Variants in KDM5C observed in about 807,000 individuals in gnomAD.
KDM5C encodes lysine-specific demethylase 5C.
Under a neutral mutation model 110.6 loss-of-function variants are expected in KDM5C, and 16 were observed. The observed-to-expected ratio is 0.14, with a 90% CI of 0.10 to 0.22. The LOEUF (loss-of-function observed/expected upper bound fraction) is 0.22, where lower values mean the gene tolerates loss of function less well. KDM5C is among the 10% of genes least tolerant of loss of function. The pLI, the probability that KDM5C is intolerant of heterozygous loss-of-function variation, is 1.00. For synonymous variants in KDM5C, 511 were observed against 520.4 expected, an observed-to-expected ratio of 0.98 and a Z score of 0.24; for missense variants, 681 against 1,300.9, an observed-to-expected ratio of 0.52 and a Z score of 7.33.
At position 53,182,978 on chromosome X, in the gene KDM5C, T is replaced by A. The variant is rs781972257; in HGVS notation, c.4309-6356A>T. Among the ~76,000 whole-genome samples, 3 of 111,458 alleles carry A rather than the reference T, an allele frequency of 2.7e-5. No individual in the cohort carries two copies. The South Asian group carries it at 1.1e-3, about 42-fold the overall frequency. ...CAGTTTTATGGTTTTAGGACTTAAATTTAGGTCATTAATCCATTTTGAGTT... is the reference window on the plus strand; with the variant it reads ...CAGTTTTATGGTTTTAGGACTTAAAATTAGGTCATTAATCCATTTTGAGTT... On this transcript the variant is annotated intron_variant, in intron 25 of 25. Transcript: ENST00000685641.
rs1556839681 is a variant in KDM5C, at chrX:53,198,642, A to T, written c.2369-5T>A. ...GTGCCCTCAGTTCTTCAAGGCCTGG[A>T]AGAAAAATGAGGGCAGCAAAGAGTA... On this transcript the variant is annotated splice_region_variant and splice_polypyrimidine_tract_variant and intron_variant, in intron 16 of 25. Transcript: ENST00000375401. 1 of 1,210,387 alleles carries T rather than the reference A, an allele frequency of 8.3e-7. No individual in the cohort carries two copies. Among genetic ancestry groups the T allele is most frequent in the Non-Finnish European group, 1.1e-6 (1 of 895,314 alleles).
At position 53,194,935 on chromosome X, in the gene KDM5C, G is replaced by A; in HGVS notation, c.3434C>T (p.Ser1145Phe). ...ATCTGTGTCGAAGCTCCTTACCACAGAGCCTGGGTCCCTGAGGTCCTGCGC... is the reference window on the plus strand; with the variant it reads ...ATCTGTGTCGAAGCTCCTTACCACAAAGCCTGGGTCCCTGAGGTCCTGCGC... ...LSAQDLRDPG[S>F]VIVAFKEGEQ... Residue 1145 changes from serine (S) to phenylalanine (F), a missense_variant, in exon 22 of 26, where the codon TCT becomes TTT. Coordinates refer to ENST00000375401, the MANE Select transcript of KDM5C (RefSeq NM_004187.5). 1 of 1,211,083 alleles carries A rather than the reference G, an allele frequency of 8.3e-7. No homozygotes were observed.
chrX:53,195,200 A>G (rs1556835780), intron 21 of KDM5C, 31 bp downstream of exon 21: 2 of 1,187,665 alleles, frequency 1.7e-6, no homozygotes, highest in South Asian at 3.7e-5. Flanking sequence ...AGGCGTTAAG[A>G]GACGCTGTAG....
Position 53,197,043 on chromosome X carries a change from C to T in KDM5C, c.2624G>A (p.Gly875Asp), listed in dbSNP as rs2146840102. 1 of 1,178,861 alleles carries T rather than the reference C, an allele frequency of 8.5e-7. No homozygotes were observed. The highest frequency in any genetic ancestry group is 1.1e-6 in the Non-Finnish European group (1 of 873,881). The change falls in exon 19 of 26, where the codon GGT (glycine) becomes GAT (aspartate). Residue 875 changes from glycine to aspartate, a missense_variant and splice_region_variant. Transcript: ENST00000375401. ...GTAGGCCTCCACCTGTTCCAGAACA[C>T]CCTACCAGGACACAGGATGAAGAAC... ...CAMHQIGDVK[G>D]VLEQVEAYQA...
In KDM5C at chrX:53,196,000, G is replaced by A. The variant is rs782693299; in HGVS notation, c.3036C>T (p.Ile1012=). 1 of 1,211,785 alleles carries A rather than the reference G, an allele frequency of 8.3e-7. No individual in the cohort carries two copies. The highest frequency in any genetic ancestry group is 2.2e-5 in the Admixed American group (1 of 46,112). The part of the protein sequence containing the change: ...LEAIIREAEN[I]PVHLPNIQAL... ...CCTGGATGTTGGGCAGGTGAACAGG[G>A]ATGTTTTCCGCTTCACGGATTATGG... is the stretch of plus-strand genomic sequence containing the variant. The change falls in exon 20 of 26, where the codon ATC becomes ATT. Residue 1012 remains isoleucine (I), a synonymous_variant. Coordinates refer to ENST00000375401, the MANE Select transcript of KDM5C (RefSeq NM_004187.5).
intron 18 of KDM5C, among the ~76,000 whole-genome samples, chrX:53,197,415 C>CA (rs1556838219): frequency 9.0e-6 from 1 of 111,304 alleles, no homozygotes; most frequent in African/African-American, 3.3e-5. Flanking sequence ...CCCTTGTGCT[C>CA]ACCACCCTGG....
chrX:53,206,336 G>C (rs2073326662), intron 12 of KDM5C, among the ~76,000 whole-genome samples: 1 of 111,445 alleles, frequency 9.0e-6, no homozygotes, highest in African/African-American at 3.3e-5. Context: ...ACCGTAAATG[G>C]GTATAAGGGA....
At position 53,180,719 on chromosome X, in the gene KDM5C, C is replaced by CTTT. The variant is rs1173641591; in HGVS notation, c.4309-4100_4309-4098dup. On this transcript the variant is annotated intron_variant, in intron 25 of 25. Transcript: ENST00000685641. Reference sequence around the variant, plus strand: ...CTGGGATTACCACCACCACACCCGGCTTTTTTTTTTTTTTTTTTTTTTTTT... The same window carrying CTTT: ...CTGGGATTACCACCACCACACCCGGCTTTTTTTTTTTTTTTTTTTTTTTTTTTT... Among the ~76,000 whole-genome samples the CTTT allele has an allele frequency of 2.2e-3, 66 of 30,298 alleles. 17 individuals are homozygous for CTTT. The highest frequency in any genetic ancestry group is 5.1e-3 in the East Asian group (3 of 591). The allele number at this position is 30,298 out of a possible 115,157, so 26.3% of individuals were successfully genotyped here.
In KDM5C at chrX:53,192,608, G is replaced by A. The variant is rs1048589544; in HGVS notation, c.*359C>T. On this transcript the variant is annotated 3_prime_UTR_variant, in exon 26 of 26. Coordinates refer to ENST00000375401, the MANE Select transcript of KDM5C (RefSeq NM_004187.5). Reference sequence around the variant, plus strand: ...CTGGCCAGGACCAGAACTGGGGAGAGAAGGGAGGAGAGTCCCCCAGTTTGC... The same window carrying A: ...CTGGCCAGGACCAGAACTGGGGAGAAAAGGGAGGAGAGTCCCCCAGTTTGC... 479 of 641,562 alleles carry A rather than the reference G, an allele frequency of 7.5e-4. No homozygotes were observed. The highest frequency in any genetic ancestry group is 1.1e-3 in the Non-Finnish European group (470 of 414,273). The allele number at this position is 641,562 out of a possible 1,213,427, so 52.9% of individuals were successfully genotyped here.
chrX:53,202,153 A>T (rs781982388), intron 12 of KDM5C, 180 bp from the exon 13 acceptor site: 2 of 488,304 alleles, frequency 4.1e-6, no homozygotes, highest in Non-Finnish European at 7.0e-6. Flanking sequence ...CAAGGTTTTG[A>T]TGTGTGTTGA....
At chrX:53,189,143 G>A (rs1257865618), downstream of KDM5C, among the ~76,000 whole-genome samples, 9 of 112,377 alleles carry the variant, frequency 8.0e-5, no homozygotes, top group Admixed American at 7.5e-4. Context: ...AGAGATAGGC[G>A]TGGAGGTTAT....
intron 8 of KDM5C, chrX:53,212,327 A>C (rs2073590095): frequency 6.0e-6 from 1 of 165,421 alleles, no homozygotes; most frequent in Non-Finnish European, 1.1e-5. Context: ...TTTTTTTGAG[A>C]CGGAGTCTTG....
chrX:53,194,978 C>G lies in KDM5C; in HGVS notation c.3391G>C (p.Glu1131Gln). 1 of 1,211,488 alleles carries G rather than the reference C, an allele frequency of 8.3e-7. No homozygotes were observed. The highest frequency in any genetic ancestry group is 1.8e-5 in the South Asian group (1 of 56,872). Residue 1131 changes from glutamate (E) to glutamine (Q), a missense_variant, in exon 22 of 26, where the codon GAG (glutamate) becomes CAG (glutamine). This residue lies in a region of KDM5C where 66 missense variants were observed against 162.9 expected (regional missense o/e 0.41). Transcript: ENST00000375401. ...TCCTGCGCAGACAGCCCCAGCAGCTCTGTGTCAGATTTGTACAACCCCAGC... is the reference window on the plus strand; with the variant it reads ...TCCTGCGCAGACAGCCCCAGCAGCTGTGTGTCAGATTTGTACAACCCCAGC... Reference protein sequence around the residue: ...KELGLYKSDTELLGLSAQDLR... With the variant: ...KELGLYKSDTQLLGLSAQDLR...
chrX:53,208,305 TA>T lies in KDM5C; in HGVS notation c.1746+2108del, dbSNP rs782071579. Among the ~76,000 whole-genome samples, 4 of 107,839 alleles carry T rather than the reference TA, an allele frequency of 3.7e-5. No homozygotes were observed. The East Asian group carries it at 1.2e-3, about 31-fold the overall frequency. 93.6% of individuals were successfully genotyped at this position (107,839 alleles called of 115,157 possible). On this transcript the variant is annotated intron_variant, in intron 12 of 25. Transcript: ENST00000375401. ...GAGCAGGAGAAATGCTGTGGAGGTG[TA>T]AGCAAAAAGCACGTATTTTGGATTC... is the stretch of plus-strand genomic sequence containing the variant.
Position 53,193,851 on chromosome X carries a change from C to T in KDM5C, c.4039G>A (p.Val1347Ile). 1 of 1,208,096 alleles carries T rather than the reference C, an allele frequency of 8.3e-7. No individual in the cohort carries two copies. Residue 1347 changes from valine to isoleucine, a missense_variant and splice_region_variant, in exon 24 of 26, where the codon GTC becomes ATC. Around this residue, in one of 14 missense-constraint regions of KDM5C, gnomAD observed 88 missense variants for 85.6 expected, o/e 1.03. Coordinates refer to ENST00000375401, the MANE Select transcript of KDM5C (RefSeq NM_004187.5). ...TCTCCATTCTCCAGTAAGCCCTGGA[C>T]CTGCGGAGGAGAGCAAGAATAGGTA... ...REGSGKDMPK[V>I]QGLLENGDSV...
Position 53,218,114 on chromosome X carries a change from C to G in KDM5C, c.352-148G>C. The G allele has an allele frequency of 5.6e-6, 5 of 890,613 alleles. No individual in the cohort carries two copies. The South Asian group carries it at 1.1e-4, about 19-fold the overall frequency. 73.4% of individuals were successfully genotyped at this position (890,613 alleles called of 1,213,427 possible). A position where few individuals can be genotyped will look rare whatever the true frequency, so the allele number is the denominator to read the frequency against. On this transcript the variant is annotated intron_variant, in intron 3 of 25. Transcript: ENST00000375401. ...ATCCCCTTATCCCAACCTCAAATTG[C>G]AGCAAAAGATTCCAAGATGTTCTGA... is the stretch of plus-strand genomic sequence containing the variant.
chrX:53,203,568 T>C (rs1263144553), intron 12 of KDM5C, among the ~76,000 whole-genome samples: 1 of 111,930 alleles, frequency 8.9e-6, no homozygotes, highest in Non-Finnish European at 1.9e-5. Flanking sequence ...CTTTCAAAAG[T>C]GGAAAACATA....
chrX:53,211,194 G>A (rs2073546149), intron 10 of KDM5C, among the ~76,000 whole-genome samples: 1 of 111,423 alleles, frequency 9.0e-6, no homozygotes, highest in Non-Finnish European at 1.9e-5. Flanking sequence ...CCCACTCCCT[G>A]AACACTACTT....
intron 9 of KDM5C, 21 bp downstream of exon 9, chrX:53,211,766 C>T (rs1556849034): frequency 8.3e-7 from 1 of 1,211,265 alleles, no homozygotes; most frequent in African/African-American, 1.7e-5. Context: ...CCCAACACTA[C>T]CTCAGCCCTC....
Sources: gnomAD v4.1 joint callset for allele counts (sites outside exome capture counted in the v4.1 genomes callset) on GRCh38, gnomAD v4.1.1 for gene constraint, gnomAD v4.1.1 regional missense constraint, MANE v1.5 for transcripts, NCBI Gene and HGNC (gene_info 2026-07-23, HGNC 2026-07-21) for gene names.